ADAMTS9: variants seen among roughly 807,000 people sequenced by gnomAD.
ADAMTS9 encodes the protein ADAM metallopeptidase with thrombospondin type 1 motif 9.
In ADAMTS9, 107 loss-of-function variants were observed where a neutral mutation model predicts 257.1. The ratio of observed to expected loss-of-function variants is 0.42; its 90% CI spans 0.36 to 0.49. ADAMTS9 has a LOEUF of 0.49. Among genes scored for constraint, ADAMTS9 ranks in the 20% least tolerant of loss-of-function variants. The pLI, the probability that ADAMTS9 is intolerant of heterozygous loss-of-function variation, is 0.03. For missense variants in ADAMTS9, 2,353 were observed against 2,469.1 expected (o/e 0.95, Z 1.00); for synonymous variants, 982 against 880.9 (o/e 1.11, Z -2.03).
At position 64,606,956 on chromosome 3, in the gene ADAMTS9, T is replaced by C; in HGVS notation, c.3474+4A>G. The C allele has an allele frequency of 6.2e-7, 1 of 1,613,550 alleles. No homozygotes were observed. The highest frequency in any genetic ancestry group is 8.5e-7 in the Non-Finnish European group (1 of 1,179,630). ...AATAACTGAGTTGGACAAAGGAAAC[T>C]TACCTGGGTATCAGTTGGTCTAGTT... On this transcript the variant is annotated splice_donor_region_variant and intron_variant, in intron 23 of 39. Transcript: ENST00000498707.
At chr3:64,518,592 G>C (rs76845429) in intron 39 of ADAMTS9, among the ~76,000 whole-genome samples, 2,241 of 152,058 alleles carry the variant, frequency 0.015, 45 homozygotes, top group African/African-American at 0.052. Flanking sequence ...CACAGGTATA[G>C]GGTGAGGCCT....
At chr3:64,612,100 C>T (rs1236579994) in intron 22 of ADAMTS9, among the ~76,000 whole-genome samples, 2 of 152,020 alleles carry the variant, frequency 1.3e-5, no homozygotes, top group Admixed American at 1.3e-4. Flanking sequence ...TGGTTTTCTT[C>T]TTTTTGCTGA....
At chr3:64,581,654 C>T (rs1047077753) in intron 28 of ADAMTS9, among the ~76,000 whole-genome samples, 2 of 152,150 alleles carry the variant, frequency 1.3e-5, no homozygotes, top group African/African-American at 4.8e-5. Context: ...AGTCAAAATT[C>T]AATTTCTAAT....
chr3:64,666,506 T>C (rs1327902398), intron 3 of ADAMTS9, among the ~76,000 whole-genome samples: 2 of 152,208 alleles, frequency 1.3e-5, no homozygotes, highest in East Asian at 1.9e-4. Flanking sequence ...TGCACAGGAA[T>C]CATCTGTGGT....
chr3:64,606,849 G>T (rs2084564372), intron 23 of ADAMTS9, 111 bp downstream of exon 23: 2 of 1,304,874 alleles, frequency 1.5e-6, no homozygotes, highest in Non-Finnish European at 2.1e-6. Flanking sequence ...TCTACTGGTT[G>T]CTCTACTGAC....
Position 64,578,289 on chromosome 3 carries a change from T to TA in ADAMTS9, c.4357-9755dup, listed in dbSNP as rs59527905. Among the ~76,000 whole-genome samples, 492 of 142,480 alleles carry TA rather than the reference T, an allele frequency of 3.5e-3. 2 individuals are homozygous for TA. The highest frequency in any genetic ancestry group is 8.3e-3 in the African/African-American group (320 of 38,466). 93.5% of individuals were successfully genotyped at this position (142,480 alleles called of 152,430 possible). A position where few individuals can be genotyped will look rare whatever the true frequency, so the allele number is the denominator to read the frequency against. On this transcript the variant is annotated intron_variant, in intron 28 of 39. Coordinates refer to ENST00000498707, the MANE Select transcript of ADAMTS9 (RefSeq NM_182920.2). The stretch of plus-strand genomic sequence containing the variant: ...TCTCCTCTTCCTGCCTTCCTTTGGT[T>TA]AAAAAAAAAAAAAGGCTCAAAAGTA...
At chr3:64,581,906 C>G (rs4547692) in intron 28 of ADAMTS9, among the ~76,000 whole-genome samples, 72,575 of 151,980 alleles carry the variant, frequency 0.48, 18,221 homozygotes, top group African/African-American at 0.63. Context: ...TGATGACAGT[C>G]TCTTGGGTTT....
chr3:64,646,328 C>T (rs1206638776), intron 11 of ADAMTS9, among the ~76,000 whole-genome samples: 1 of 152,158 alleles, frequency 6.6e-6, no homozygotes, highest in Non-Finnish European at 1.5e-5. Flanking sequence ...GAGGCCACAT[C>T]TTGATTTTGT....
Position 64,685,687 on chromosome 3 carries a change from G to A in ADAMTS9, c.516+881C>T, listed in dbSNP as rs151242395. On this transcript the variant is annotated intron_variant, in intron 2 of 39. Transcript: ENST00000498707. Reference sequence around the variant, plus strand: ...GTGGATTCCCTGCTAAATGCTATTTGGCAGCGCAAGAAGGCGGCCTCCCCG... The same window carrying A: ...GTGGATTCCCTGCTAAATGCTATTTAGCAGCGCAAGAAGGCGGCCTCCCCG... Among the ~76,000 whole-genome samples the A allele has an allele frequency of 5.6e-3, 854 of 152,312 alleles. 12 individuals carry two copies. The highest frequency in any genetic ancestry group is 0.019 in the African/African-American group (810 of 41,566).
intron 28 of ADAMTS9, among the ~76,000 whole-genome samples, chr3:64,579,967 C>T (rs563544120): frequency 6.6e-6 from 1 of 152,174 alleles, no homozygotes; most frequent in East Asian, 1.9e-4. Context: ...CAGAATACTA[C>T]ACTGCCCTGT....
Position 64,534,421 on chromosome 3 carries a change from A to G in ADAMTS9, c.5614-1151T>C, listed in dbSNP as rs116224196. Among the ~76,000 whole-genome samples, 1,057 of 152,310 alleles carry G rather than the reference A, an allele frequency of 6.9e-3. 7 individuals are homozygous for G. Among genetic ancestry groups the G allele is most frequent in the African/African-American group, 0.025 (1,031 of 41,574 alleles). ...TCTTACATTTTCTAATTGTTTTGTAAGTGTTCGTGTGATCTCTTCAATGTA... is the reference window on the plus strand; with the variant it reads ...TCTTACATTTTCTAATTGTTTTGTAGGTGTTCGTGTGATCTCTTCAATGTA... On this transcript the variant is annotated intron_variant, in intron 37 of 39. Coordinates refer to ENST00000498707, the MANE Select transcript of ADAMTS9 (RefSeq NM_182920.2).
Position 64,615,439 on chromosome 3 carries a change from C to T in ADAMTS9, c.3071G>A (p.Cys1024Tyr). Residue 1024 changes from cysteine (C) to tyrosine (Y), a missense_variant, in exon 21 of 40, where the codon TGT becomes TAT. Cys to Tyr is a radical substitution (Grantham distance 194). Transcript: ENST00000498707. ...CAGTACATCATTTCGGGTATTGACA[C>T]AAATAGCCCTTCTCCTCTGGGTCCC... ...DGGTQRRRAI[C>Y]VNTRNDVLDD... 6.2e-7 allele frequency: 1 copy of T among 1,613,920 alleles called. No homozygotes were observed. The highest frequency in any genetic ancestry group is 8.5e-7 in the Non-Finnish European group (1 of 1,179,868).
Position 64,599,026 on chromosome 3 carries a change from C to T in ADAMTS9, c.4018-2035G>A, listed in dbSNP as rs148010361. Among the ~76,000 whole-genome samples the T allele has an allele frequency of 1.4e-4, 21 of 152,244 alleles. No individual in the cohort carries two copies. In the East Asian group the frequency reaches 4.1e-3, roughly 30 times the overall value. ...ATGGGTGCAAGGATGAACACCTGAT[C>T]CATGGTCAAGCAATCCACTGGCCAC... On this transcript the variant is annotated intron_variant, in intron 26 of 39. Transcript: ENST00000498707.
chr3:64,581,173 T>A (rs773016384), intron 28 of ADAMTS9, among the ~76,000 whole-genome samples: 1 of 152,272 alleles, frequency 6.6e-6, no homozygotes, highest in Non-Finnish European at 1.5e-5. Flanking sequence ...TATTTTCCAC[T>A]TCTAGTCAAA....
At chr3:64,544,164 A>C (rs1319515495) in intron 32 of ADAMTS9, among the ~76,000 whole-genome samples, 2 of 152,280 alleles carry the variant, frequency 1.3e-5, no homozygotes, top group East Asian at 3.9e-4. Context: ...AGGAAGAATC[A>C]ATATCATGAA....
intron 3 of ADAMTS9, among the ~76,000 whole-genome samples, chr3:64,674,608 G>T (rs1253628395): frequency 6.6e-6 from 1 of 152,150 alleles, no homozygotes; most frequent in East Asian, 1.9e-4. Context: ...AGGCTGAAAG[G>T]GTCTAAGAAT....
rs370615094 is a variant in ADAMTS9 at position 64,658,632 on chromosome 3, C to T, written c.839G>A (p.Arg280Lys). The change falls in exon 4 of 40, where the codon AGG (arginine) becomes AAG (lysine). Residue 280 changes from arginine (R) to lysine (K), a missense_variant. By Grantham distance (26) the Arg-to-Lys change is conservative. Around this residue, in one of 3 missense-constraint regions of ADAMTS9, gnomAD observed 591 missense variants for 569.6 expected, o/e 1.04. Transcript: ENST00000498707. ...AAAACGTTTTGTCCTTCTGTGGGTCCTCTTTTCTCTTGTGTTGTCCGTCTT... is the reference window on the plus strand; with the variant it reads ...AAAACGTTTTGTCCTTCTGTGGGTCTTCTTTTCTCTTGTGTTGTCCGTCTT... ...GNKTDNTREK[R>K]THRRTKRFLS... 4.4e-5 allele frequency: 71 copies of T among 1,613,804 alleles called. No homozygotes were observed. The highest frequency in any genetic ancestry group is 5.7e-5 in the Non-Finnish European group (67 of 1,180,006).
At chr3:64,684,995 T>C (rs1265297300) in intron 2 of ADAMTS9, 1 of 152,180 alleles carries the variant, frequency 6.6e-6, no homozygotes, top group African/African-American at 2.4e-5. Flanking sequence ...AGCCTTAACC[T>C]TTCAAGGACC....
intron 28 of ADAMTS9, among the ~76,000 whole-genome samples, chr3:64,573,668 T>C: frequency 6.6e-6 from 1 of 152,208 alleles, no homozygotes; most frequent in South Asian, 2.1e-4. Flanking sequence ...CTTTTAACTT[T>C]AACAAAACAT....
Sources: gnomAD v4.1 joint callset for allele counts (sites outside exome capture counted in the v4.1 genomes callset) on GRCh38, gnomAD v4.1.1 for gene constraint, gnomAD v4.1.1 regional missense constraint, MANE v1.5 for transcripts, NCBI Gene and HGNC (gene_info 2026-07-23, HGNC 2026-07-21) for gene names.